EXOSC7: variants seen among roughly 807,000 people sequenced by gnomAD.
EXOSC7 encodes the protein exosome component 7.
EXOSC7 carries 25 observed loss-of-function variants against 34.3 expected under a neutral mutation model. That is an observed-to-expected ratio of 0.73 (90% confidence interval 0.53 to 1.02). The LOEUF (loss-of-function observed/expected upper bound fraction) is 1.02, where lower values mean the gene tolerates loss of function less well. Ranked by LOEUF, EXOSC7 falls within the 50% of genes least tolerant of loss-of-function variation. EXOSC7 has a pLI of 0.00. For missense variants in EXOSC7, 370 were observed against 368.5 expected (o/e 1.00, Z -0.03); for synonymous variants, 130 against 143.0 (o/e 0.91, Z 0.65).
rs534724472 is a variant in EXOSC7 at position 44,990,379 on chromosome 3, T to C, written c.254+735T>C. Among the ~76,000 whole-genome samples, 39 of 152,324 alleles carry C rather than the reference T, an allele frequency of 2.6e-4. No homozygotes were observed. The South Asian group carries it at 7.5e-3, about 29-fold the overall frequency. On this transcript the variant is annotated intron_variant, in intron 3 of 7. Transcript: ENST00000265564. ...TTATTTTGTCAATAAGTTCAATAAG[T>C]ATTATTAGCTCCACATTCTAGGGGT...
At chr3:44,989,401 G>A in intron 2 of EXOSC7, 149 bp from the exon 3 acceptor site, 2 of 798,196 alleles carry the variant, frequency 2.5e-6, no homozygotes, top group Middle Eastern at 3.3e-4. Context: ...GATCTGAAAA[G>A]ACTGCTCACC....
At chr3:44,989,108 G>T (rs771449282) in intron 1 of EXOSC7, 32 bp from the exon 2 acceptor site, 5 of 1,465,544 alleles carry the variant, frequency 3.4e-6, no homozygotes, top group South Asian at 1.1e-5. Context: ...TTGATCTGGG[G>T]TGACTATAGG....
chr3:44,997,576 T>C (rs893702471), intron 4 of EXOSC7, among the ~76,000 whole-genome samples: 2 of 152,084 alleles, frequency 1.3e-5, no homozygotes, highest in Non-Finnish European at 2.9e-5. Context: ...ATGGGCAGAA[T>C]TTAAGCAGGT....
chr3:44,996,754 T>C (rs1706732058), intron 3 of EXOSC7, among the ~76,000 whole-genome samples: 1 of 152,258 alleles, frequency 6.6e-6, no homozygotes, highest in East Asian at 1.9e-4. Flanking sequence ...GTATTTATTA[T>C]ACTCTGAAGA....
At position 45,007,429 on chromosome 3, in the gene EXOSC7, C is replaced by G. The variant is rs768337352; in HGVS notation, c.625C>G (p.Arg209Gly). The change falls in exon 7 of 8, where the codon CGG becomes GGG. Residue 209 changes from arginine (R) to glycine (G), a missense_variant. Around this residue, in one of 3 missense-constraint regions of EXOSC7, gnomAD observed 255 missense variants for 246.4 expected, o/e 1.03. Transcript: ENST00000265564. ...CIVTLCKIGY[R>G]HVVDATLQEE... ...CACCCTGCCTTTGCAGATTGGCTAT[C>G]GGCATGTGGTGGATGCTACTCTTCA... 13 of 1,614,000 alleles carry G rather than the reference C, an allele frequency of 8.1e-6. No individual in the cohort carries two copies. Among genetic ancestry groups the G allele is most frequent in the Non-Finnish European group, 1.1e-5 (13 of 1,180,014 alleles).
chr3:44,987,356 A>C (rs1706449457), intron 1 of EXOSC7, among the ~76,000 whole-genome samples: 1 of 152,240 alleles, frequency 6.6e-6, no homozygotes, highest in Non-Finnish European at 1.5e-5. Flanking sequence ...TCAGAAAGTA[A>C]ATAAGTAATT....
chr3:44,990,374 A>G (rs1238095738), intron 3 of EXOSC7, among the ~76,000 whole-genome samples: 2 of 152,222 alleles, frequency 1.3e-5, no homozygotes, highest in Non-Finnish European at 2.9e-5. Context: ...AATAAGTTCA[A>G]TAAGTATTAT....
chr3:44,985,384 C>T (rs969178085), intron 1 of EXOSC7, among the ~76,000 whole-genome samples: 3 of 152,154 alleles, frequency 2.0e-5, no homozygotes, highest in Non-Finnish European at 4.4e-5. Flanking sequence ...CAGACCCTCG[C>T]GGTGAGTGTT....
chr3:44,992,127 G>A (rs1467808327), intron 3 of EXOSC7, among the ~76,000 whole-genome samples: 3 of 152,180 alleles, frequency 2.0e-5, no homozygotes, highest in South Asian at 2.1e-4. Context: ...CTGGACACCC[G>A]TGGATGTGCC....
At chr3:45,002,876 C>T (rs373961816) in intron 5 of EXOSC7, among the ~76,000 whole-genome samples, 49 of 152,252 alleles carry the variant, frequency 3.2e-4, no homozygotes, top group African/African-American at 1.0e-3. Context: ...TGGGAGCTTG[C>T]GTGCCAGATC....
At chr3:44,999,983 C>T (rs1038663911) in intron 4 of EXOSC7, among the ~76,000 whole-genome samples, 2 of 151,264 alleles carry the variant, frequency 1.3e-5, no homozygotes, top group African/African-American at 4.9e-5. Context: ...GCTGGGCACC[C>T]TGCCATGTTT....
intron 1 of EXOSC7, among the ~76,000 whole-genome samples, chr3:44,980,163 G>A (rs1559740379): frequency 6.6e-6 from 1 of 151,954 alleles, no homozygotes. Context: ...GGGGGTGAGG[G>A]GCACCCTCTG....
chr3:44,983,116 C>A (rs1049744345), intron 1 of EXOSC7, among the ~76,000 whole-genome samples: 1 of 152,152 alleles, frequency 6.6e-6, no homozygotes. Context: ...AGATTGGTAG[C>A]GCCAACTTGT....
chr3:44,985,585 T>C (rs1318386434), intron 1 of EXOSC7, among the ~76,000 whole-genome samples: 1 of 152,068 alleles, frequency 6.6e-6, no homozygotes, highest in Non-Finnish European at 1.5e-5. Flanking sequence ...GTTCGTGGTC[T>C]CGCTGGCTTC....
intron 1 of EXOSC7, 136 bp from the exon 2 acceptor site, chr3:44,989,004 G>A (rs1419498773): frequency 6.6e-6 from 4 of 610,120 alleles, no homozygotes; most frequent in Admixed American, 6.4e-5. Context: ...TAGCTACAAG[G>A]ACAGAATTTT....
rs553833535 is a variant in EXOSC7 at position 44,996,492 on chromosome 3, C to A, written c.255-595C>A. 1.4e-3 allele frequency among the ~76,000 whole-genome samples: 206 copies of A among 152,272 alleles called. 1 individual carries two copies. Among genetic ancestry groups the A allele is most frequent in the African/African-American group, 4.7e-3 (195 of 41,558 alleles). On this transcript the variant is annotated intron_variant, in intron 3 of 7. Coordinates refer to ENST00000265564, the MANE Select transcript of EXOSC7 (RefSeq NM_015004.4). ...TTACAAGCCAACAATCTTTCCCTTG[C>A]TTTCTTTCATTTTCCTTCTCTTCAG...
chr3:45,007,498 A>G lies in EXOSC7; in HGVS notation c.694A>G (p.Ser232Gly), dbSNP rs1707084384. 3 of 1,614,168 alleles carry G rather than the reference A, an allele frequency of 1.9e-6. No individual in the cohort carries two copies. In the East Asian group the frequency reaches 6.7e-5, roughly 36 times the overall value. The stretch of plus-strand genomic sequence containing the variant: ...GGCCAGCTTGCTGGTGTCGGTGACC[A>G]GCAAGGGAGTTGTGACGTGCATGAG... ...SLASLLVSVT[S>G]KGVVTCMRKV... Residue 232 changes from serine to glycine, a missense_variant, in exon 7 of 8, where the codon AGC becomes GGC. This residue lies in a region of EXOSC7 where 255 missense variants were observed against 246.4 expected (regional missense o/e 1.03). Coordinates refer to ENST00000265564, the MANE Select transcript of EXOSC7 (RefSeq NM_015004.4).
chr3:45,005,481 T>C, intron 6 of EXOSC7, 67 bp downstream of exon 6: 1 of 1,507,220 alleles, frequency 6.6e-7, no homozygotes, highest in Non-Finnish European at 9.1e-7. Flanking sequence ...CCCAACCTGC[T>C]GAGGTTACTT....
intron 3 of EXOSC7, among the ~76,000 whole-genome samples, chr3:44,995,139 C>T (rs373057146): frequency 3.0e-4 from 46 of 152,200 alleles, no homozygotes; most frequent in African/African-American, 1.1e-3. Flanking sequence ...TGTGCCACCA[C>T]GCCCAGATAA....
Sources: gnomAD v4.1 joint callset for allele counts (sites outside exome capture counted in the v4.1 genomes callset) on GRCh38, gnomAD v4.1.1 for gene constraint, gnomAD v4.1.1 regional missense constraint, MANE v1.5 for transcripts, NCBI Gene and HGNC (gene_info 2026-07-23, HGNC 2026-07-21) for gene names.